DHDH: variants seen among roughly 807,000 people sequenced by gnomAD.
DHDH encodes trans-1,2-dihydrobenzene-1,2-diol dehydrogenase.
Under a neutral mutation model 33.2 loss-of-function variants are expected in DHDH, and 29 were observed. The ratio of observed to expected loss-of-function variants is 0.87; its 90% CI spans 0.65 to 1.19. DHDH has a LOEUF of 1.19. Ranked by LOEUF, DHDH falls within the 50% of genes most tolerant of loss-of-function variation. The pLI, the probability that DHDH is intolerant of heterozygous loss-of-function variation, is 0.00. For synonymous variants in DHDH, 201 were observed against 187.9 expected (o/e 1.07, Z -0.57); for missense variants, 431 against 455.0 (o/e 0.95, Z 0.48).
At chr19:48,936,723 A>AC (rs904660322) in intron 3 of DHDH, among the ~76,000 whole-genome samples, 4 of 151,680 alleles carry the variant, frequency 2.6e-5, no homozygotes, top group Admixed American at 2.6e-4. Flanking sequence ...AACAAAAAAA[A>AC]AAACAAGAAA....
In DHDH at chr19:48,939,558, T is replaced by A; in HGVS notation, c.476T>A (p.Ile159Asn). 1 of 1,613,592 alleles carries A rather than the reference T, an allele frequency of 6.2e-7. No individual in the cohort carries two copies. Among genetic ancestry groups the A allele is most frequent in the Non-Finnish European group, 8.5e-7 (1 of 1,179,972 alleles). The change falls in exon 4 of 7, where the codon ATC becomes AAC. Residue 159 changes from isoleucine (I) to asparagine (N), a missense_variant. Transcript: ENST00000221403. ...VARAEFGKNL[I>N]HVPRAVDRAQ... ...CGGGCAGAATTTGGGAAGAATCTCA[T>A]CCACGTTCCCCGGGCCGTAGACCGG...
Position 48,942,556 on chromosome 19 carries a change from A to G in DHDH, c.736A>G (p.Met246Val). 1 of 1,613,426 alleles carries G rather than the reference A, an allele frequency of 6.2e-7. No individual in the cohort carries two copies. The highest frequency in any genetic ancestry group is 8.5e-7 in the Non-Finnish European group (1 of 1,179,596). Residue 246 changes from methionine to valine, a missense_variant, in exon 5 of 7, where the codon ATG (methionine) becomes GTG (valine). Met to Val is a conservative substitution (Grantham distance 21, BLOSUM62 1). Coordinates refer to ENST00000221403, the MANE Select transcript of DHDH (RefSeq NM_014475.4). ...NTASVSGTKG[M>V]VQLLNPCWCP... Reference sequence around the variant, plus strand: ...GGCCTCCGTGAGCGGCACCAAGGGCATGGTACAGGTGAGGCATGGCGGGCC... The same window carrying G: ...GGCCTCCGTGAGCGGCACCAAGGGCGTGGTACAGGTGAGGCATGGCGGGCC...
intron 5 of DHDH, among the ~76,000 whole-genome samples, chr19:48,943,749 C>T (rs1375381456): frequency 6.6e-6 from 1 of 151,834 alleles, no homozygotes; most frequent in Admixed American, 6.6e-5. Flanking sequence ...TTGCCTGAAC[C>T]CGAGAGGCGG....
intron 3 of DHDH, among the ~76,000 whole-genome samples, chr19:48,938,539 ACT>A (rs1203748770): frequency 1.3e-5 from 2 of 151,678 alleles, no homozygotes; most frequent in Non-Finnish European, 2.9e-5. Context: ...TGCACACGTA[ACT>A]CTTAAACCCA....
At chr19:48,940,354 CAA>C (rs368492917) in intron 4 of DHDH, among the ~76,000 whole-genome samples, 8 of 133,890 alleles carry the variant, frequency 6.0e-5, no homozygotes, top group Admixed American at 7.7e-5. Flanking sequence ...GACTCCATCT[CAA>C]AAAAAAAAAA....
At position 48,939,593 on chromosome 19, in the gene DHDH, G is replaced by GT; in HGVS notation, c.511_512insT (p.Gly171ValfsTer35). The GT allele has an allele frequency of 6.4e-7, 1 of 1,565,918 alleles. No individual in the cohort carries two copies. The highest frequency in any genetic ancestry group is 8.6e-7 in the Non-Finnish European group (1 of 1,158,038). On this transcript the variant is annotated frameshift_variant, in exon 4 of 7. Coordinates refer to ENST00000221403, the MANE Select transcript of DHDH (RefSeq NM_014475.4). LOFTEE classifies it high-confidence loss of function. ...CCGGGCCGTAGACCGGGCCCAGGCT[G>GT]GGGGGGCCCTGCTGGACATCGGCAT...
chr19:48,944,276 G>A, intron 5 of DHDH, 81 bp from the exon 6 acceptor site: 2 of 1,592,756 alleles, frequency 1.3e-6, no homozygotes, highest in African/African-American at 1.3e-5. Flanking sequence ...AGGCCCCTGT[G>A]CACCACCTGG....
intron 4 of DHDH, among the ~76,000 whole-genome samples, chr19:48,939,924 A>C (rs1016953775): frequency 1.3e-5 from 2 of 152,140 alleles, no homozygotes; most frequent in Non-Finnish European, 2.9e-5. Flanking sequence ...TCTGAATCTT[A>C]ATTACTTTAC....
At chr19:48,937,513 T>TA (rs1370166892) in intron 3 of DHDH, among the ~76,000 whole-genome samples, 2 of 151,752 alleles carry the variant, frequency 1.3e-5, no homozygotes, top group African/African-American at 4.8e-5. Context: ...CCGTCTCTAC[T>TA]AAAAAAGTAC....
At chr19:48,944,240 G>A in intron 5 of DHDH, 117 bp from the exon 6 acceptor site, 1 of 1,409,402 alleles carries the variant, frequency 7.1e-7, no homozygotes, top group Non-Finnish European at 9.8e-7. Flanking sequence ...GACAGGGCAA[G>A]CTCTTAGCCA....
intron 3 of DHDH, among the ~76,000 whole-genome samples, chr19:48,937,304 G>A (rs567228853): frequency 1.3e-5 from 2 of 152,138 alleles, no homozygotes; most frequent in African/African-American, 2.4e-5. Flanking sequence ...CTCCGAGCCC[G>A]GGCGGACCTC....
chr19:48,933,715 C>G lies in DHDH; in HGVS notation c.-7C>G, dbSNP rs1250535089. 6.2e-7 allele frequency: 1 copy of G among 1,613,202 alleles called. No individual in the cohort carries two copies. Among genetic ancestry groups the G allele is most frequent in the Non-Finnish European group, 8.5e-7 (1 of 1,179,952 alleles). Reference sequence around the variant, plus strand: ...ACCGAAGGTGCCGAGGGCTCCGCATCGCAACCATGGCGCTGCGCTGGGGCA... The same window carrying G: ...ACCGAAGGTGCCGAGGGCTCCGCATGGCAACCATGGCGCTGCGCTGGGGCA... On this transcript the variant is annotated 5_prime_UTR_variant, in exon 1 of 7. It adds an upstream start codon to the 5' untranslated region. Coordinates refer to ENST00000221403, the MANE Select transcript of DHDH (RefSeq NM_014475.4).
At chr19:48,937,588 G>C (rs1568596290) in intron 3 of DHDH, among the ~76,000 whole-genome samples, 1 of 151,666 alleles carries the variant, frequency 6.6e-6, no homozygotes, top group East Asian at 1.9e-4. Flanking sequence ...AGAGGCGGGC[G>C]GATCACGACG....
chr19:48,936,766 C>T (rs1422187951), intron 3 of DHDH, among the ~76,000 whole-genome samples: 2 of 151,168 alleles, frequency 1.3e-5, no homozygotes, highest in African/African-American at 2.4e-5. Flanking sequence ...CATAGAATGG[C>T]AATGGCTTAG....
At chr19:48,944,317 G>A (rs371761755) in intron 5 of DHDH, 40 bp from the exon 6 acceptor site, 20 of 1,612,078 alleles carry the variant, frequency 1.2e-5, no homozygotes, top group South Asian at 3.3e-5. Flanking sequence ...CAGCAGCACC[G>A]TTGGTGAAGG....
chr19:48,944,445 A>G lies in DHDH; in HGVS notation c.833A>G (p.Asn278Ser), dbSNP rs1341411415. 1.2e-6 allele frequency: 2 copies of G among 1,613,938 alleles called. No homozygotes were observed. Among genetic ancestry groups the G allele is most frequent in the East Asian group, 4.5e-5 (2 of 44,898 alleles). The change falls in exon 6 of 7, where the codon AAT (asparagine) becomes AGT (serine). Residue 278 changes from asparagine (N) to serine (S), a missense_variant. By Grantham distance (46) the Asn-to-Ser change is conservative. Transcript: ENST00000221403. ...CTGCCCCCAGTCCCAAAGGACTGCA[A>G]TTTTGACAACGGGGCAGGCATGAGT... ...FPLPPVPKDC[N>S]FDNGAGMSYE...
chr19:48,942,645 A>G, intron 5 of DHDH, 81 bp downstream of exon 5: 3 of 1,518,308 alleles, frequency 2.0e-6, no homozygotes, highest in East Asian at 2.3e-5. Flanking sequence ...GCTAGATGAG[A>G]GCTTAACCAG....
chr19:48,935,796 G>C (rs973767216), intron 2 of DHDH, among the ~76,000 whole-genome samples: 1 of 151,764 alleles, frequency 6.6e-6, no homozygotes, highest in African/African-American at 2.4e-5. Flanking sequence ...CAGCCTGGGC[G>C]AAGAGTGAGA....
chr19:48,933,415 A>G (rs554201695), upstream of DHDH, among the ~76,000 whole-genome samples: 9 of 152,336 alleles, frequency 5.9e-5, no homozygotes, highest in South Asian at 1.9e-3. Flanking sequence ...TGGTGTTGGC[A>G]AGAAAGCAAA....
Sources: gnomAD v4.1 joint callset for allele counts (sites outside exome capture counted in the v4.1 genomes callset) on GRCh38, gnomAD v4.1.1 for gene constraint, MANE v1.5 for transcripts, NCBI Gene and HGNC (gene_info 2026-07-23, HGNC 2026-07-21) for gene names.